AQP7B: variants seen among roughly 807,000 people sequenced by gnomAD.
AQP7B encodes putative aquaporin-7B.
chr2:94,590,454 T>C, the AQP7B span, among the ~76,000 whole-genome samples: 1 of 152,072 alleles, frequency 6.6e-6, no homozygotes, highest in South Asian at 2.1e-4. Flanking sequence ...TCCTAAAGTG[T>C]TGGGATTACA....
the AQP7B span, among the ~76,000 whole-genome samples, chr2:94,597,618 T>G: frequency 1.3e-5 from 2 of 151,464 alleles, no homozygotes; most frequent in African/African-American, 4.9e-5. Context: ...TTTTGTTTTT[T>G]TTTTTTTGTT....
the AQP7B span, chr2:94,588,426 C>G: frequency 3.9e-5 from 24 of 611,134 alleles, no homozygotes; most frequent in South Asian, 3.9e-4. Flanking sequence ...CCCTGGGGAC[C>G]AAGGTCTGAT....
the AQP7B span, among the ~76,000 whole-genome samples, chr2:94,598,436 T>G: frequency 3.9e-5 from 6 of 152,226 alleles, no homozygotes; most frequent in African/African-American, 1.4e-4. Flanking sequence ...GAGGAGGGGC[T>G]GGAGCCATCC....
the AQP7B span, chr2:94,603,434 C>T: frequency 6.3e-5 from 101 of 1,610,736 alleles, no homozygotes; most frequent in African/African-American, 1.3e-3. Context: ...GGTCCCTTTG[C>T]TACAGCTGGC....
the AQP7B span, among the ~76,000 whole-genome samples, chr2:94,592,955 C>T: frequency 1.3e-5 from 2 of 150,564 alleles, no homozygotes; most frequent in Non-Finnish European, 1.5e-5. Flanking sequence ...TCCCCATTAG[C>T]TGGAACCACA....
chr2:94,593,812 C>G, the AQP7B span, among the ~76,000 whole-genome samples: 1 of 151,972 alleles, frequency 6.6e-6, no homozygotes, highest in East Asian at 1.9e-4. Flanking sequence ...ATCCTCCAGT[C>G]CCACCCCGCC....
chr2:94,598,160 A>C, the AQP7B span, among the ~76,000 whole-genome samples: 1 of 152,092 alleles, frequency 6.6e-6, no homozygotes, highest in Non-Finnish European at 1.5e-5. Flanking sequence ...CCTATATCGG[A>C]TATTGTGTTG....
At chr2:94,598,593 G>T in the AQP7B span, among the ~76,000 whole-genome samples, 102,052 of 152,148 alleles carry the variant, frequency 0.67, 37,708 homozygotes, top group East Asian at 0.88. Flanking sequence ...TATAGCTGCC[G>T]CCACTCCAGC....
At chr2:94,603,056 T>A in the AQP7B span, 7 of 1,597,850 alleles carry the variant, frequency 4.4e-6, no homozygotes, top group African/African-American at 1.3e-5. Flanking sequence ...TGAATGCAGC[T>A]GTGACCTTCA....
At chr2:94,603,346 T>TG in the AQP7B span, 1 of 1,575,242 alleles carries the variant, frequency 6.3e-7, no homozygotes, top group Non-Finnish European at 8.7e-7. Flanking sequence ...GGGGCTTAGT[T>TG]GGGGGCAGGT....
chr2:94,604,275 C>A, the AQP7B span: 1 of 1,590,078 alleles, frequency 6.3e-7, no homozygotes, highest in Non-Finnish European at 8.6e-7. Context: ...AGGCCTCTGC[C>A]TCTTGCCTGC....
the AQP7B span, among the ~76,000 whole-genome samples, chr2:94,588,022 T>A: frequency 6.6e-6 from 1 of 151,852 alleles, no homozygotes; most frequent in African/African-American, 2.4e-5. Context: ...GGTACACGGG[T>A]GAAATGAGTT....
chr2:94,590,129 A>G, the AQP7B span, among the ~76,000 whole-genome samples: 1 of 152,110 alleles, frequency 6.6e-6, no homozygotes, highest in African/African-American at 2.4e-5. Flanking sequence ...AAGAGTGGAG[A>G]GTGGGTTTTG....
chr2:94,596,610 A>G, the AQP7B span, among the ~76,000 whole-genome samples: 433 of 152,250 alleles, frequency 2.8e-3, 2 homozygotes, highest in African/African-American at 9.8e-3. Context: ...GTAGAATTAG[A>G]CCTTCGTGGG....
the AQP7B span, among the ~76,000 whole-genome samples, chr2:94,590,349 A>T: frequency 3.4e-5 from 5 of 147,984 alleles, no homozygotes; most frequent in South Asian, 4.3e-4. Context: ...CGCCCAGCTA[A>T]TTTTTTTTTT....
the AQP7B span, chr2:94,604,458 G>A: frequency 1.6e-5 from 25 of 1,611,344 alleles, no homozygotes; most frequent in East Asian, 4.2e-4. Flanking sequence ...CCCAAGATGG[G>A]ATCTCATGAA....
At chr2:94,590,694 G>T in the AQP7B span, among the ~76,000 whole-genome samples, 2 of 152,094 alleles carry the variant, frequency 1.3e-5, no homozygotes, top group Admixed American at 6.5e-5. Context: ...TGAAATCCCT[G>T]CACCTTGGGA....
At chr2:94,591,953 C>G in the AQP7B span, among the ~76,000 whole-genome samples, 1 of 152,054 alleles carries the variant, frequency 6.6e-6, no homozygotes, top group Non-Finnish European at 1.5e-5. Flanking sequence ...CTTTTCTTCC[C>G]ACGGGCTGGA....
At chr2:94,599,357 G>T in the AQP7B span, among the ~76,000 whole-genome samples, 1 of 152,104 alleles carries the variant, frequency 6.6e-6, no homozygotes, top group Non-Finnish European at 1.5e-5. Flanking sequence ...GAGGGACCCA[G>T]TGGGCCCTGC....
Sources: allele counts gnomAD v4.1 joint callset (sites outside exome capture counted in the v4.1 genomes callset), GRCh38; gene constraint gnomAD v4.1.1; transcripts MANE v1.5; gene names NCBI Gene and HGNC (gene_info 2026-07-23, HGNC 2026-07-21).